Variants in SDK1 observed in about 807,000 individuals in gnomAD.
SDK1 encodes sidekick cell adhesion molecule 1.
SDK1 carries 157 observed loss-of-function variants against 245.5 expected under a neutral mutation model. That is an observed-to-expected ratio of 0.64 (90% CI 0.56 to 0.73). The LOEUF (loss-of-function observed/expected upper bound fraction) is 0.73, where lower values mean the gene tolerates loss of function less well. SDK1 is among the 30% of genes least tolerant of loss of function. The pLI, the probability that SDK1 is intolerant of heterozygous loss-of-function variation, is 0.00. For synonymous variants in SDK1, 1,647 were observed against 1,278.5 expected, an observed-to-expected ratio of 1.29 and a Z score of -6.15; for missense variants, 3,583 against 3,002.3, an observed-to-expected ratio of 1.19 and a Z score of -4.52.
intron 27 of SDK1, 188 bp downstream of exon 27, chr7:4,130,285 G>T (rs1185890880): frequency 4.8e-6 from 3 of 626,200 alleles, no homozygotes; most frequent in Non-Finnish European, 8.2e-6. Flanking sequence ...GCCTGGAGTG[G>T]ATTTTTACAG....
chr7:4,083,705 A>C (rs1434415663), intron 22 of SDK1, among the ~76,000 whole-genome samples: 6 of 129,550 alleles, frequency 4.6e-5, no homozygotes, highest in African/African-American at 1.4e-4. Context: ...TCCCTCCTTT[A>C]CTTCCTCCCT....
chr7:3,711,707 G>T (rs1182687669), intron 4 of SDK1, among the ~76,000 whole-genome samples: 1 of 152,288 alleles, frequency 6.6e-6, no homozygotes, highest in East Asian at 1.9e-4. Context: ...GCCAGGCAAA[G>T]GGTCAAGGCA....
intron 4 of SDK1, among the ~76,000 whole-genome samples, chr7:3,754,890 C>T (rs1316676005): frequency 1.3e-5 from 2 of 152,186 alleles, no homozygotes; most frequent in Non-Finnish European, 2.9e-5. Context: ...GGGGCCTTCA[C>T]CAGCTTCCCT....
At chr7:3,338,918 C>A (rs1226102242) in intron 1 of SDK1, among the ~76,000 whole-genome samples, 1 of 152,032 alleles carries the variant, frequency 6.6e-6, no homozygotes, top group East Asian at 1.9e-4. Flanking sequence ...ACAGAAGAAA[C>A]AAAATAACAG....
chr7:3,458,491 G>C (rs965461325), intron 1 of SDK1, among the ~76,000 whole-genome samples: 1 of 151,350 alleles, frequency 6.6e-6, no homozygotes, highest in African/African-American at 2.4e-5. Context: ...TTATTGCTCA[G>C]TTCTTTTTCA....
At chr7:4,067,732 C>T in intron 19 of SDK1, 106 bp from the exon 20 acceptor site, 2 of 756,132 alleles carry the variant, frequency 2.6e-6, no homozygotes, top group Non-Finnish European at 4.4e-6. Context: ...GGTTTTGCAG[C>T]CCCAGCTCAC....
intron 13 of SDK1, among the ~76,000 whole-genome samples, chr7:3,985,035 C>A (rs912178357): frequency 1.3e-5 from 2 of 152,206 alleles, no homozygotes; most frequent in Non-Finnish European, 2.9e-5. Context: ...CAGCCCCCTC[C>A]ACTCCCCAGA....
intron 12 of SDK1, among the ~76,000 whole-genome samples, 183 bp from the exon 13 acceptor site, chr7:3,974,183 CAAA>C (rs10630472): frequency 5.7e-5 from 6 of 104,376 alleles, no homozygotes; most frequent in Non-Finnish European, 5.8e-5. Flanking sequence ...GACTCTGTCT[CAAA>C]AAAAAAAAAA....
chr7:3,358,432 T>G (rs1289759884), intron 1 of SDK1, among the ~76,000 whole-genome samples: 6 of 105,378 alleles, frequency 5.7e-5, no homozygotes, highest in African/African-American at 1.1e-4. Flanking sequence ...TTACAACGTT[T>G]TTTTTTTTTT....
At chr7:3,707,468 A>G (rs1784922846) in intron 4 of SDK1, among the ~76,000 whole-genome samples, 1 of 152,252 alleles carries the variant, frequency 6.6e-6, no homozygotes, top group African/African-American at 2.4e-5. Context: ...TTTGTAATCC[A>G]TTATACGGTC....
chr7:3,876,875 A>C (rs1200201760), intron 5 of SDK1, among the ~76,000 whole-genome samples: 2 of 152,208 alleles, frequency 1.3e-5, no homozygotes, highest in African/African-American at 4.8e-5. Flanking sequence ...GGGCCCCAAA[A>C]TAATTTTTGT....
chr7:4,082,007 C>T (rs893283093), intron 22 of SDK1, among the ~76,000 whole-genome samples: 1 of 152,134 alleles, frequency 6.6e-6, no homozygotes, highest in African/African-American at 2.4e-5. Context: ...CTGCTTGGAG[C>T]ATATACTGTG....
chr7:3,508,308 A>C (rs937127230), intron 1 of SDK1, among the ~76,000 whole-genome samples: 1 of 140,934 alleles, frequency 7.1e-6, no homozygotes, highest in Admixed American at 7.2e-5. Flanking sequence ...TGACATCATC[A>C]TTCTTCTTCT....
chr7:3,931,471 G>T (rs1779976471), intron 5 of SDK1, among the ~76,000 whole-genome samples: 1 of 152,170 alleles, frequency 6.6e-6, no homozygotes. Flanking sequence ...CCAACATCAA[G>T]GAACTATAAG....
Position 3,461,847 on chromosome 7 carries a change from A to C in SDK1, c.299-157233A>C, listed in dbSNP as rs115895111. ...TATCTCCACTTGGGTTTTGAGTTCC[A>C]TCTTTTTCTGTCTTCCTAGGGAACA... On this transcript the variant is annotated intron_variant, in intron 1 of 44. Coordinates refer to ENST00000404826, the MANE Select transcript of SDK1 (RefSeq NM_152744.4). Among the ~76,000 whole-genome samples the C allele has an allele frequency of 5.5e-3, 837 of 152,256 alleles. 7 individuals are homozygous for C. Among genetic ancestry groups the C allele is most frequent in the African/African-American group, 0.019 (798 of 41,554 alleles).
At chr7:4,207,374 C>T (rs572777460) in intron 36 of SDK1, among the ~76,000 whole-genome samples, 1 of 152,270 alleles carries the variant, frequency 6.6e-6, no homozygotes, top group South Asian at 2.1e-4. Flanking sequence ...CAGTGGTTTC[C>T]GGCCAGCTGT....
intron 5 of SDK1, among the ~76,000 whole-genome samples, chr7:3,872,738 G>A (rs6971639): frequency 0.28 from 42,815 of 151,690 alleles, 7,237 homozygotes; most frequent in African/African-American, 0.48. Flanking sequence ...CTGATTTAAT[G>A]CCTTTTTTCT....
chr7:4,261,821 A>T (rs1788030664), intron 44 of SDK1, among the ~76,000 whole-genome samples: 1 of 151,926 alleles, frequency 6.6e-6, no homozygotes. Context: ...GAAGCGTCTT[A>T]GCGTTAGTTC....
At chr7:3,750,736 C>A (rs1038365177) in intron 4 of SDK1, among the ~76,000 whole-genome samples, 3 of 152,192 alleles carry the variant, frequency 2.0e-5, no homozygotes, top group Admixed American at 6.5e-5. Context: ...TTCAGAAGCC[C>A]CACTGAAGTT....
Sources: allele counts gnomAD v4.1 joint callset (sites outside exome capture counted in the v4.1 genomes callset), GRCh38; gene constraint gnomAD v4.1.1; transcripts MANE v1.5; gene names NCBI Gene and HGNC (gene_info 2026-07-23, HGNC 2026-07-21).